The following NOS1 variants were observed in gnomAD, a reference collection of about 807,000 sequenced individuals.
The protein encoded by NOS1 is NOS type I.
Under a neutral mutation model 164.5 loss-of-function variants are expected in NOS1, and 51 were observed. The observed-to-expected ratio is 0.31, with a 90% CI of 0.25 to 0.39. The LOEUF is 0.39. Ranked by LOEUF, NOS1 falls within the 10% of genes least tolerant of loss-of-function variation. NOS1 has a pLI of 1.00. For missense variants in NOS1, 1,362 were observed against 1,885.6 expected, an observed-to-expected ratio of 0.72 and a Z score of 5.14; for synonymous variants, 719 against 745.8, an observed-to-expected ratio of 0.96 and a Z score of 0.59.
chr12:117,244,181 CTT>C (rs1169893493), intron 18 of NOS1, among the ~76,000 whole-genome samples: 7 of 144,730 alleles, frequency 4.8e-5, no homozygotes, highest in Admixed American at 2.1e-4. Context: ...ATACATTTTT[CTT>C]TTTTTTTTTT....
At chr12:117,283,690 T>A (rs1873870355) in intron 7 of NOS1, among the ~76,000 whole-genome samples, 1 of 151,902 alleles carries the variant, frequency 6.6e-6, no homozygotes, top group Admixed American at 6.6e-5. Context: ...ACCCTGTCTC[T>A]ACTAAAAATA....
intron 4 of NOS1, among the ~76,000 whole-genome samples, chr12:117,288,502 T>C (rs1872851260): frequency 6.6e-6 from 1 of 152,156 alleles, no homozygotes; most frequent in Admixed American, 6.5e-5. Flanking sequence ...ATCTGAAATA[T>C]TTTTAGATTT....
intron 2 of NOS1, among the ~76,000 whole-genome samples, chr12:117,318,613 C>T (rs953761052): frequency 5.9e-5 from 9 of 152,292 alleles, no homozygotes; most frequent in African/African-American, 1.4e-4. Context: ...ACCTCTTGCA[C>T]GGAAGGAAAA....
rs144759305 is a variant in NOS1, at chr12:117,258,983, G to C, written c.2472+43C>G. 4.1e-4 allele frequency: 600 copies of C among 1,448,590 alleles called. 8 individuals carry two copies. The East Asian group carries it at 9.8e-3, about 24-fold the overall frequency. The allele number at this position is 1,448,590 out of a possible 1,614,324, so 89.7% of individuals were successfully genotyped here. On this transcript the variant is annotated intron_variant, in intron 15 of 28. Coordinates refer to ENST00000317775, the MANE Select transcript of NOS1 (RefSeq NM_000620.5). ...TCAACCTTGGCCCCTACTTCTTCCT[G>C]ATGATGGAACCACACTCTTGAACAG... is the stretch of plus-strand genomic sequence containing the variant.
chr12:117,280,360 C>G (rs1415323009), intron 8 of NOS1, among the ~76,000 whole-genome samples: 1 of 152,194 alleles, frequency 6.6e-6, no homozygotes, highest in African/African-American at 2.4e-5. Context: ...GCTTCCATTT[C>G]TCGGCTCTTC....
intron 10 of NOS1, among the ~76,000 whole-genome samples, chr12:117,271,380 C>A (rs757411945): frequency 6.6e-6 from 1 of 152,066 alleles, no homozygotes; most frequent in Admixed American, 6.5e-5. Flanking sequence ...CTGGTTCAAG[C>A]GATTCTCCTG....
chr12:117,238,869 A>T (rs1869938284), intron 20 of NOS1, among the ~76,000 whole-genome samples: 1 of 152,178 alleles, frequency 6.6e-6, no homozygotes, highest in South Asian at 2.1e-4. Flanking sequence ...AAATACATAA[A>T]ATAAAGGAAA....
At chr12:117,241,546 A>G (rs1046265356) in intron 20 of NOS1, among the ~76,000 whole-genome samples, 2 of 151,058 alleles carry the variant, frequency 1.3e-5, no homozygotes, top group Non-Finnish European at 2.9e-5. Context: ...ACAGTGAACT[A>G]TGCTGTGCAA....
intron 18 of NOS1, among the ~76,000 whole-genome samples, chr12:117,246,570 AGAACATTCTCATCACC>A: frequency 6.6e-6 from 1 of 152,164 alleles, no homozygotes; most frequent in African/African-American, 2.4e-5. Flanking sequence ...ACCTGCTTCC[AGAACATTCTCATCACC>A]CCCCCAACAC....
chr12:117,248,291 A>AC (rs1331918231), intron 17 of NOS1, among the ~76,000 whole-genome samples: 1 of 151,740 alleles, frequency 6.6e-6, no homozygotes, highest in Non-Finnish European at 1.5e-5. Flanking sequence ...GGTGTGCTGC[A>AC]CCCACTAACT....
chr12:117,272,295 G>C lies in NOS1; in HGVS notation c.1839+90C>G. ...TATTCTAACCCCTTCAAGTTTCCAA[G>C]CCACCAAGCTCGCCGTGGGGAAGGG... On this transcript the variant is annotated intron_variant, in intron 10 of 28. Coordinates refer to ENST00000317775, the MANE Select transcript of NOS1 (RefSeq NM_000620.5). The surrounding 1 kb of genome is among the most constrained non-coding windows in gnomAD (Gnocchi z 4.3). 2.1e-6 allele frequency: 3 copies of C among 1,445,638 alleles called. No homozygotes were observed. The highest frequency in any genetic ancestry group is 2.9e-6 in the Non-Finnish European group (3 of 1,037,814). 89.6% of individuals were successfully genotyped at this position (1,445,638 alleles called of 1,614,324 possible). A position where few individuals can be genotyped will look rare whatever the true frequency, so the allele number is the denominator to read the frequency against.
chr12:117,353,775 GT>G (rs61536991), intron 1 of NOS1, among the ~76,000 whole-genome samples: 1 of 151,786 alleles, frequency 6.6e-6, no homozygotes, highest in Middle Eastern at 3.2e-3. Flanking sequence ...ACACCATATT[GT>G]TTTTTTAAAA....
At chr12:117,342,103 C>G (rs988786561) in intron 1 of NOS1, among the ~76,000 whole-genome samples, 2 of 152,130 alleles carry the variant, frequency 1.3e-5, no homozygotes, top group Non-Finnish European at 2.9e-5. Context: ...CAACATTATA[C>G]TCTTTTACTT....
At chr12:117,299,084 C>T (rs1865818987) in intron 3 of NOS1, among the ~76,000 whole-genome samples, 1 of 152,208 alleles carries the variant, frequency 6.6e-6, no homozygotes, top group Admixed American at 6.5e-5. Flanking sequence ...CCCTTTGCTG[C>T]AGCCCTGGGC....
rs986469262 is a variant in NOS1 at position 117,208,375 on chromosome 12, G to A, written c.*6934C>T. 24 of 1,173,482 alleles carry A rather than the reference G, an allele frequency of 2.0e-5. No individual in the cohort carries two copies. In the African/African-American group the frequency reaches 6.6e-4, roughly 32 times the overall value. 72.7% of individuals were successfully genotyped at this position (1,173,482 alleles called of 1,614,324 possible). ...TGAGAGCTCAGAGGTAGGGGGGACG[G>A]CCGAGTTTCTGACAGCGTGTGTGTG... is the stretch of plus-strand genomic sequence containing the variant. On this transcript the variant is annotated 3_prime_UTR_variant, in exon 29 of 29. Transcript: ENST00000317775.
chr12:117,343,252 G>C (rs1208913250), intron 1 of NOS1, among the ~76,000 whole-genome samples: 1 of 151,424 alleles, frequency 6.6e-6, no homozygotes, highest in Non-Finnish European at 1.5e-5. Context: ...AAGGAAGGAA[G>C]GAAGGAAGAG....
At chr12:117,285,670 A>G (rs1874061478) in intron 6 of NOS1, among the ~76,000 whole-genome samples, 1 of 152,166 alleles carries the variant, frequency 6.6e-6, no homozygotes, top group Non-Finnish European at 1.5e-5. Flanking sequence ...AAAAAACAGA[A>G]CAAAAATCAA....
intron 3 of NOS1, among the ~76,000 whole-genome samples, chr12:117,291,038 C>A (rs545155508): frequency 1.2e-4 from 18 of 152,174 alleles, no homozygotes; most frequent in African/African-American, 4.3e-4. Flanking sequence ...CTTGGTGAAA[C>A]CTTGTCTCTA....
chr12:117,322,289 C>CT, intron 2 of NOS1, among the ~76,000 whole-genome samples: 1 of 128,652 alleles, frequency 7.8e-6, no homozygotes, highest in South Asian at 3.0e-4. Flanking sequence ...TCTTCCTTCC[C>CT]TCCTTCCTTC....
Sources: allele counts gnomAD v4.1 joint callset (sites outside exome capture counted in the v4.1 genomes callset), GRCh38; gene constraint gnomAD v4.1.1; non-coding constraint Gnocchi (gnomAD v3.1); transcripts MANE v1.5; gene names NCBI Gene and HGNC (gene_info 2026-07-23, HGNC 2026-07-21).